Variants in SHISA9 observed in about 807,000 individuals in gnomAD.
The protein encoded by SHISA9 is protein shisa-9.
SHISA9 carries 13 observed loss-of-function variants against 38.0 expected under a neutral mutation model. The observed-to-expected ratio is 0.34, with a 90% CI of 0.22 to 0.54. The LOEUF is 0.54. Among genes scored for constraint, SHISA9 ranks in the 20% least tolerant of loss-of-function variants. The pLI is 0.91. For missense variants in SHISA9, 538 were observed against 575.8 expected, an observed-to-expected ratio of 0.93 and a Z score of 0.67; for synonymous variants, 275 against 242.0, an observed-to-expected ratio of 1.14 and a Z score of -1.27.
intron 4 of SHISA9, among the ~76,000 whole-genome samples, chr16:13,220,675 A>T (rs1259972214): frequency 6.6e-6 from 1 of 152,192 alleles, no homozygotes; most frequent in Non-Finnish European, 1.5e-5. Context: ...GGAAAAAAAA[A>T]ATCTCTATCT....
the SHISA9 span, among the ~76,000 whole-genome samples, chr16:13,426,490 C>G: frequency 1.3e-5 from 2 of 152,138 alleles, no homozygotes; most frequent in Non-Finnish European, 2.9e-5. Flanking sequence ...TACCTTTCCC[C>G]TGCCATCAGG....
the SHISA9 span, among the ~76,000 whole-genome samples, chr16:13,461,644 C>A: frequency 3.9e-5 from 5 of 127,276 alleles, no homozygotes; most frequent in Non-Finnish European, 8.0e-5. Context: ...TTTTTTGAGA[C>A]CCTCTGTCAC....
chr16:13,011,648 A>G (rs1555454480), intron 2 of SHISA9, among the ~76,000 whole-genome samples: 1 of 151,892 alleles, frequency 6.6e-6, no homozygotes, highest in Non-Finnish European at 1.5e-5. Context: ...CAGCCTCCTC[A>G]GTAGCTGGGA....
At chr16:13,505,591 T>A in the SHISA9 span, among the ~76,000 whole-genome samples, 1,439 of 152,198 alleles carry the variant, frequency 9.5e-3, 21 homozygotes, top group African/African-American at 0.033. Flanking sequence ...AGATGTGGAG[T>A]GGTTCACAGT....
chr16:13,024,221 T>C (rs1014619819), intron 2 of SHISA9, among the ~76,000 whole-genome samples: 10 of 152,222 alleles, frequency 6.6e-5, no homozygotes, highest in Non-Finnish European at 1.0e-4. Flanking sequence ...ATACTCTTTC[T>C]AGGATAAAGG....
chr16:12,966,234 A>G (rs745558143), intron 2 of SHISA9, among the ~76,000 whole-genome samples: 23 of 152,088 alleles, frequency 1.5e-4, no homozygotes, highest in Non-Finnish European at 2.2e-4. Context: ...TACATCTATG[A>G]TTTTGCTCAC....
At chr16:13,218,616 G>C (rs1315665995) in intron 4 of SHISA9, among the ~76,000 whole-genome samples, 1 of 152,188 alleles carries the variant, frequency 6.6e-6, no homozygotes, top group African/African-American at 2.4e-5. Flanking sequence ...CTGGACCTTA[G>C]TTCCTTCATC....
At chr16:13,545,379 G>T in the SHISA9 span, among the ~76,000 whole-genome samples, 1 of 152,184 alleles carries the variant, frequency 6.6e-6, no homozygotes, top group Non-Finnish European at 1.5e-5. Flanking sequence ...TAAGAATCCT[G>T]CATGGATGAT....
At chr16:13,274,916 T>C in the SHISA9 span, among the ~76,000 whole-genome samples, 8 of 152,074 alleles carry the variant, frequency 5.3e-5, no homozygotes, top group African/African-American at 1.2e-4. Flanking sequence ...CCAAGATCCA[T>C]TGGAAGTGTG....
At chr16:12,927,638 G>C (rs2071408692) in intron 2 of SHISA9, among the ~76,000 whole-genome samples, 2 of 151,638 alleles carry the variant, frequency 1.3e-5, no homozygotes, top group Admixed American at 1.3e-4. Flanking sequence ...CGAGCTCCTG[G>C]ACTCAAGCAA....
intron 2 of SHISA9, among the ~76,000 whole-genome samples, chr16:12,933,844 C>T (rs1745934926): frequency 6.6e-6 from 1 of 151,816 alleles, no homozygotes; most frequent in African/African-American, 2.4e-5. Flanking sequence ...ACCACGGGAG[C>T]CTATGTTATA....
the SHISA9 span, among the ~76,000 whole-genome samples, chr16:13,441,469 C>T: frequency 6.6e-6 from 1 of 152,188 alleles, no homozygotes; most frequent in African/African-American, 2.4e-5. Flanking sequence ...CCTAGAGATC[C>T]ATTCCCTATC....
At chr16:13,142,521 A>G (rs372776025) in intron 2 of SHISA9, among the ~76,000 whole-genome samples, 1 of 152,244 alleles carries the variant, frequency 6.6e-6, no homozygotes, top group African/African-American at 2.4e-5. Flanking sequence ...CCGGTAGTCA[A>G]TACTCAAACT....
chr16:13,233,493 T>A (rs2051351933), intron 4 of SHISA9, among the ~76,000 whole-genome samples: 1 of 152,224 alleles, frequency 6.6e-6, no homozygotes, highest in South Asian at 2.1e-4. Context: ...GCAAACTTTT[T>A]AAAGAAGGAC....
At chr16:12,956,276 T>C (rs1441425414) in intron 2 of SHISA9, among the ~76,000 whole-genome samples, 2 of 152,248 alleles carry the variant, frequency 1.3e-5, no homozygotes, top group African/African-American at 4.8e-5. Context: ...TATACACTGT[T>C]GGTGAGAATG....
At chr16:12,903,826 G>C (rs1323680986) in intron 1 of SHISA9, among the ~76,000 whole-genome samples, 1 of 152,210 alleles carries the variant, frequency 6.6e-6, no homozygotes, top group Non-Finnish European at 1.5e-5. Flanking sequence ...GTGTGTGCAC[G>C]CGCTCCGTGT....
the SHISA9 span, among the ~76,000 whole-genome samples, chr16:13,481,654 CA>C: frequency 6.6e-6 from 1 of 152,158 alleles, no homozygotes; most frequent in Non-Finnish European, 1.5e-5. Flanking sequence ...CCATGCCCGG[CA>C]CATAGAGGCT....
chr16:13,460,989 T>C, the SHISA9 span, among the ~76,000 whole-genome samples: 1 of 152,328 alleles, frequency 6.6e-6, no homozygotes, highest in East Asian at 1.9e-4. Flanking sequence ...TCTACTTGTG[T>C]CTTTTGCTGT....
intron 2 of SHISA9, among the ~76,000 whole-genome samples, chr16:13,045,866 A>C (rs2073182281): frequency 6.6e-6 from 1 of 152,164 alleles, no homozygotes; most frequent in Non-Finnish European, 1.5e-5. Context: ...CGTTACTGCT[A>C]TGAATTCAAT....
Sources: gnomAD v4.1 joint callset for allele counts (sites outside exome capture counted in the v4.1 genomes callset) on GRCh38, gnomAD v4.1.1 for gene constraint, MANE v1.5 for transcripts, NCBI Gene and HGNC (gene_info 2026-07-23, HGNC 2026-07-21) for gene names.